The following GRM3 variants were observed in gnomAD, a reference collection of about 807,000 sequenced individuals.
GRM3 encodes metabotropic glutamate receptor 3.
Under a neutral mutation model 70.5 loss-of-function variants are expected in GRM3, and 26 were observed. The ratio of observed to expected loss-of-function variants is 0.37; its 90% CI spans 0.27 to 0.51. The LOEUF (loss-of-function observed/expected upper bound fraction) is 0.51, where lower values mean the gene tolerates loss of function less well. Among genes scored for constraint, GRM3 ranks in the 20% least tolerant of loss-of-function variants. The pLI, the probability that GRM3 is intolerant of heterozygous loss-of-function variation, is 0.93. For missense variants in GRM3, 859 were observed against 1,123.8 expected (o/e 0.76, Z 3.37); for synonymous variants, 443 against 434.9 (o/e 1.02, Z -0.23).
intron 1 of GRM3, among the ~76,000 whole-genome samples, chr7:86,716,065 T>C (rs1795306962): frequency 6.6e-6 from 1 of 151,990 alleles, no homozygotes. Context: ...ATACCTTCTT[T>C]GCATGTAAAT....
intron 3 of GRM3, among the ~76,000 whole-genome samples, chr7:86,805,682 T>C (rs533503175): frequency 2.0e-5 from 3 of 152,324 alleles, no homozygotes; most frequent in African/African-American, 7.2e-5. Context: ...TGGAATCATA[T>C]AGTATGTGCC....
chr7:86,746,069 A>C (rs1363977362), intron 1 of GRM3, among the ~76,000 whole-genome samples: 1 of 151,872 alleles, frequency 6.6e-6, no homozygotes, highest in East Asian at 1.9e-4. Context: ...TTTTTATCCA[A>C]CTTTGTCAAA....
intron 3 of GRM3, among the ~76,000 whole-genome samples, chr7:86,789,644 T>C (rs1797357367): frequency 6.6e-6 from 1 of 152,146 alleles, no homozygotes; most frequent in Non-Finnish European, 1.5e-5. Context: ...CTAAACAGTC[T>C]GTTCAATTAG....
intron 1 of GRM3, among the ~76,000 whole-genome samples, chr7:86,698,596 T>C (rs544340707): frequency 0.01 from 1,501 of 147,806 alleles, 26 homozygotes; most frequent in African/African-American, 0.035. Flanking sequence ...CACACACACA[T>C]ATATATAAAC....
At chr7:86,645,323 C>G (rs933714255) in intron 1 of GRM3, among the ~76,000 whole-genome samples, 1 of 152,174 alleles carries the variant, frequency 6.6e-6, no homozygotes, top group East Asian at 1.9e-4. Flanking sequence ...CAACGGTCAG[C>G]GAGACCTGGT....
chr7:86,694,838 C>G (rs1794779226), intron 1 of GRM3, among the ~76,000 whole-genome samples: 1 of 152,188 alleles, frequency 6.6e-6, no homozygotes, highest in Non-Finnish European at 1.5e-5. Flanking sequence ...GACTGGTGCT[C>G]TATGGATTGA....
At chr7:86,846,582 A>T (rs1430472682) in intron 4 of GRM3, among the ~76,000 whole-genome samples, 1 of 152,074 alleles carries the variant, frequency 6.6e-6, no homozygotes, top group African/African-American at 2.4e-5. Flanking sequence ...AATTCACCCC[A>T]CTCTACCCTC....
At chr7:86,835,301 GA>G (rs1026763817) in intron 3 of GRM3, among the ~76,000 whole-genome samples, 4 of 151,472 alleles carry the variant, frequency 2.6e-5, no homozygotes, top group Admixed American at 6.6e-5. Flanking sequence ...AGCCATTTGA[GA>G]AAAAAAATGA....
chr7:86,753,896 T>G (rs1796286254), intron 1 of GRM3, among the ~76,000 whole-genome samples: 1 of 152,106 alleles, frequency 6.6e-6, no homozygotes. Context: ...CCACGGCCAA[T>G]TTTAAGGTGC....
At chr7:86,814,025 A>T (rs906741940) in intron 3 of GRM3, among the ~76,000 whole-genome samples, 1 of 151,770 alleles carries the variant, frequency 6.6e-6, no homozygotes, top group Non-Finnish European at 1.5e-5. Flanking sequence ...ACAGCTTTTT[A>T]AAAAGTCCTT....
intron 1 of GRM3, among the ~76,000 whole-genome samples, chr7:86,699,308 A>C (rs2282962): frequency 0.28 from 42,668 of 151,966 alleles, 7,834 homozygotes; most frequent in East Asian, 0.71. Context: ...AATTTTCTCT[A>C]TCCACCCCTT....
chr7:86,856,571 TC>T (rs1798851548), intron 5 of GRM3, among the ~76,000 whole-genome samples: 1 of 151,996 alleles, frequency 6.6e-6, no homozygotes, highest in Non-Finnish European at 1.5e-5. Context: ...TAACACACCT[TC>T]ACATATATCC....
chr7:86,694,618 GA>G (rs968650662), intron 1 of GRM3, among the ~76,000 whole-genome samples: 2 of 150,958 alleles, frequency 1.3e-5, no homozygotes, highest in Non-Finnish European at 3.0e-5. Flanking sequence ...AAGTTTGAGG[GA>G]AAAAAAAGAA....
intron 5 of GRM3, among the ~76,000 whole-genome samples, chr7:86,859,063 C>T (rs1482654975): frequency 6.6e-6 from 1 of 152,156 alleles, no homozygotes; most frequent in African/African-American, 2.4e-5. Context: ...CTCACTGAAG[C>T]CTCGAACTCC....
intron 1 of GRM3, among the ~76,000 whole-genome samples, chr7:86,754,458 AG>A (rs1796299063): frequency 6.6e-6 from 1 of 152,150 alleles, no homozygotes; most frequent in African/African-American, 2.4e-5. Flanking sequence ...AATAGCATAA[AG>A]AAAAGATGAT....
intron 1 of GRM3, among the ~76,000 whole-genome samples, chr7:86,743,091 C>A (rs116816840): frequency 6.6e-6 from 1 of 152,058 alleles, no homozygotes; most frequent in Non-Finnish European, 1.5e-5. Flanking sequence ...ACAAAGCAAG[C>A]ACTCTTCTCA....
chr7:86,740,249 C>T (rs1003071664), intron 1 of GRM3, among the ~76,000 whole-genome samples: 15 of 151,990 alleles, frequency 9.9e-5, no homozygotes, highest in African/African-American at 3.4e-4. Flanking sequence ...ATTACTATTC[C>T]ATAGGCCCAA....
chr7:86,862,891 A>G (rs1310752048), intron 5 of GRM3, among the ~76,000 whole-genome samples: 1 of 152,174 alleles, frequency 6.6e-6, no homozygotes, highest in Non-Finnish European at 1.5e-5. Context: ...TCAATTATAT[A>G]TCCACTATCA....
intron 1 of GRM3, among the ~76,000 whole-genome samples, chr7:86,722,480 T>C (rs954263214): frequency 3.3e-5 from 5 of 151,872 alleles, no homozygotes; most frequent in African/African-American, 1.2e-4. Context: ...GAAACCATCA[T>C]TCTCAGCAAA....
Sources: allele counts gnomAD v4.1 joint callset (sites outside exome capture counted in the v4.1 genomes callset), GRCh38; gene constraint gnomAD v4.1.1; transcripts MANE v1.5; gene names NCBI Gene and HGNC (gene_info 2026-07-23, HGNC 2026-07-21).